DIP2C: variants seen among roughly 807,000 people sequenced by gnomAD.
The protein encoded by DIP2C is DIP2 acetate--CoA ligase C (putative), also known as disco-interacting protein 2 homolog C.
Under a neutral mutation model 192.4 loss-of-function variants are expected in DIP2C, and 33 were observed. The observed-to-expected ratio is 0.17, with a 90% CI of 0.13 to 0.23. The LOEUF is 0.23. DIP2C is among the 10% of genes least tolerant of loss of function. DIP2C has a pLI of 1.00. For synonymous variants in DIP2C, 979 were observed against 864.1 expected (o/e 1.13, Z -2.33); for missense variants, 1,537 against 2,110.1 (o/e 0.73, Z 5.32).
rs186905027 is a variant in DIP2C at position 414,204 on chromosome 10, C to T, written c.860-94G>A. 3.6e-6 allele frequency: 5 copies of T among 1,382,826 alleles called. No individual in the cohort carries two copies. The South Asian group carries it at 7.1e-5, about 20-fold the overall frequency. 85.7% of individuals were successfully genotyped at this position (1,382,826 alleles called of 1,614,324 possible). A position where few individuals can be genotyped will look rare whatever the true frequency, so the allele number is the denominator to read the frequency against. On this transcript the variant is annotated intron_variant, in intron 7 of 36. Transcript: ENST00000280886. ...TTATAAAGAAGCCAAGAGATTTATA[C>T]TTAAGCTGTACATTTATTAGCTGAC...
chr10:389,728 C>G (rs567544792), intron 13 of DIP2C, among the ~76,000 whole-genome samples: 1 of 152,342 alleles, frequency 6.6e-6, no homozygotes, highest in East Asian at 1.9e-4. Context: ...GGAAGAGACC[C>G]CCACTGGGAA....
At chr10:504,346 C>CCGAG (rs1359665455) in intron 1 of DIP2C, among the ~76,000 whole-genome samples, 1 of 152,142 alleles carries the variant, frequency 6.6e-6, no homozygotes, top group East Asian at 1.9e-4. Flanking sequence ...TGCAGGCGTG[C>CCGAG]CGAGGCTGGC....
At position 369,904 on chromosome 10, in the gene DIP2C, T is replaced by C. The variant is rs1228057800; in HGVS notation, c.1992-271A>G. The C allele has an allele frequency of 3.0e-6, 4 of 1,353,198 alleles. No individual in the cohort carries two copies. In the East Asian group the frequency reaches 9.3e-5, roughly 31 times the overall value. 83.8% of individuals were successfully genotyped at this position (1,353,198 alleles called of 1,614,324 possible). A position where few individuals can be genotyped will look rare whatever the true frequency, so the allele number is the denominator to read the frequency against. ...AACGCAGCTCCTCTCCTGCCCCCTCTATGCAGGCCCTGCACAGACCAGCTC... is the reference window on the plus strand; with the variant it reads ...AACGCAGCTCCTCTCCTGCCCCCTCCATGCAGGCCCTGCACAGACCAGCTC... On this transcript the variant is annotated intron_variant, in intron 17 of 36. Coordinates refer to ENST00000280886, the MANE Select transcript of DIP2C (RefSeq NM_014974.3).
intron 1 of DIP2C, among the ~76,000 whole-genome samples, chr10:589,235 C>T (rs1440030113): frequency 6.6e-6 from 1 of 152,158 alleles, no homozygotes; most frequent in African/African-American, 2.4e-5. Context: ...GACACAAGTC[C>T]TTTGCCAGCT....
In DIP2C at chr10:420,163, G is replaced by A. The variant is rs992867585; in HGVS notation, c.605-964C>T. On this transcript the variant is annotated intron_variant, in intron 5 of 36. Coordinates refer to ENST00000280886, the MANE Select transcript of DIP2C (RefSeq NM_014974.3). Reference sequence around the variant, plus strand: ...CCCCAAAAGCCTCTCTTCACCGGACGCTGCCCATGTCCGCACCGTGCCCGG... The same window carrying A: ...CCCCAAAAGCCTCTCTTCACCGGACACTGCCCATGTCCGCACCGTGCCCGG... Among the ~76,000 whole-genome samples the A allele has an allele frequency of 8.5e-5, 13 of 152,338 alleles. No homozygotes were observed. In the South Asian group the frequency reaches 1.5e-3, roughly 17 times the overall value.
rs1356789502 is a variant in DIP2C at position 387,730 on chromosome 10, G to A, written c.1662+15C>T. The A allele has an allele frequency of 3.0e-5, 48 of 1,613,936 alleles. No homozygotes were observed. The highest frequency in any genetic ancestry group is 3.9e-5 in the Non-Finnish European group (46 of 1,179,974). ...CTCCTTTGTGGACAGACACGGCCGG[G>A]GGGACCTCACTTACTGTCAGGATGC... On this transcript the variant is annotated intron_variant, in intron 14 of 36. Coordinates refer to ENST00000280886, the MANE Select transcript of DIP2C (RefSeq NM_014974.3).
chr10:669,899 G>C (rs1363179268), intron 1 of DIP2C, among the ~76,000 whole-genome samples: 1 of 152,134 alleles, frequency 6.6e-6, no homozygotes, highest in African/African-American at 2.4e-5. Context: ...CACTATCTTT[G>C]TTTTGGAATT....
chr10:578,842 A>G (rs528839634), intron 1 of DIP2C, among the ~76,000 whole-genome samples: 2 of 152,016 alleles, frequency 1.3e-5, no homozygotes, highest in South Asian at 2.1e-4. Flanking sequence ...CCAGATCCAT[A>G]TAGTGTACGT....
rs1038488026 is a variant in DIP2C, at chr10:572,917, CAG to C, written c.86-86389_86-86388del. On this transcript the variant is annotated intron_variant, in intron 1 of 36. Transcript: ENST00000280886. ...AGGCAGCCGGAAGATTGCCATCTCG[CAG>C]AGAGAGACTTTCAAGACTCAAGATG... 1.4e-4 allele frequency among the ~76,000 whole-genome samples: 21 copies of C among 152,276 alleles called. 1 individual carries two copies. In the Middle Eastern group the frequency reaches 0.01, roughly 74 times the overall value.
At chr10:539,582 G>A (rs1309912493) in intron 1 of DIP2C, among the ~76,000 whole-genome samples, 3 of 152,130 alleles carry the variant, frequency 2.0e-5, no homozygotes, top group Admixed American at 6.5e-5. Context: ...AAAATATAGA[G>A]GTTTTAAAAA....
At chr10:470,245 G>A (rs769575844) in intron 3 of DIP2C, among the ~76,000 whole-genome samples, 3 of 152,210 alleles carry the variant, frequency 2.0e-5, no homozygotes, top group African/African-American at 4.8e-5. Context: ...GAGTCAGGAT[G>A]GGGAACGGGA....
At chr10:517,975 A>C (rs1156830217) in intron 1 of DIP2C, among the ~76,000 whole-genome samples, 1 of 152,192 alleles carries the variant, frequency 6.6e-6, no homozygotes, top group Non-Finnish European at 1.5e-5. Flanking sequence ...CAGGAAACTC[A>C]ACGTTTCATC....
chr10:534,672 T>A (rs1418071165), intron 1 of DIP2C, among the ~76,000 whole-genome samples: 1 of 76,246 alleles, frequency 1.3e-5, no homozygotes, highest in Non-Finnish European at 4.1e-5. Flanking sequence ...ATGATTATTA[T>A]TTTTTTTTTT....
Position 387,801 on chromosome 10 carries a change from T to G in DIP2C, c.1606A>C (p.Ile536Leu). 6.2e-7 allele frequency: 1 copy of G among 1,614,168 alleles called. No individual in the cohort carries two copies. Among genetic ancestry groups the G allele is most frequent in the Non-Finnish European group, 8.5e-7 (1 of 1,180,020 alleles). Residue 536 changes from isoleucine (I) to leucine (L), a missense_variant, in exon 14 of 37, where the codon ATT becomes CTT. Transcript: ENST00000280886. Reference sequence around the variant, plus strand: ...TTCTTGAAATCCAGCACATTCACAATGGTTTCAGCTGCACAACAGAGGGAG... The same window carrying G: ...TTCTTGAAATCCAGCACATTCACAAGGGTTTCAGCTGCACAACAGAGGGAG... ...QACGYTEAET[I>L]VNVLDFKKDV...
chr10:348,379 CCT>C, intron 26 of DIP2C, among the ~76,000 whole-genome samples: 1 of 152,290 alleles, frequency 6.6e-6, no homozygotes, highest in East Asian at 1.9e-4. Flanking sequence ...GTGGTGATGC[CCT>C]CTCTTGGGAG....
chr10:679,973 T>C (rs899220617), intron 1 of DIP2C, among the ~76,000 whole-genome samples: 2 of 152,276 alleles, frequency 1.3e-5, no homozygotes, highest in South Asian at 2.1e-4. Flanking sequence ...GATGAGCGCA[T>C]CTGATCCACA....
At chr10:608,219 AC>A (rs1471314987) in intron 1 of DIP2C, among the ~76,000 whole-genome samples, 4 of 15,682 alleles carry the variant, frequency 2.6e-4, no homozygotes, top group East Asian at 5.3e-3. Flanking sequence ...CAGCCCCCCC[AC>A]ACACACCCCC....
chr10:470,436 C>T (rs1336698701), intron 3 of DIP2C, among the ~76,000 whole-genome samples: 1 of 152,212 alleles, frequency 6.6e-6, no homozygotes, highest in Non-Finnish European at 1.5e-5. Context: ...ATGTGCCTCT[C>T]TCTTCCACAC....
intron 9 of DIP2C, among the ~76,000 whole-genome samples, chr10:404,907 G>A (rs1209698082): frequency 6.6e-6 from 1 of 152,180 alleles, no homozygotes; most frequent in African/African-American, 2.4e-5. Context: ...GAGAGCTGAT[G>A]GCATGTTTTT....
Sources: gnomAD v4.1 joint callset for allele counts (sites outside exome capture counted in the v4.1 genomes callset) on GRCh38, gnomAD v4.1.1 for gene constraint, MANE v1.5 for transcripts, NCBI Gene and HGNC (gene_info 2026-07-23, HGNC 2026-07-21) for gene names.